The following ALDH1A3 variants were observed in gnomAD, a reference collection of about 807,000 sequenced individuals.
ALDH1A3 encodes the protein retinaldehyde dehydrogenase 3.
Under a neutral mutation model 57.5 loss-of-function variants are expected in ALDH1A3, and 28 were observed. The ratio of observed to expected loss-of-function variants is 0.49; its 90% confidence interval spans 0.36 to 0.67. The LOEUF is 0.67. ALDH1A3 is among the 30% of genes least tolerant of loss of function. The pLI, the probability that ALDH1A3 is intolerant of heterozygous loss-of-function variation, is 0.00. For missense variants in ALDH1A3, 507 were observed against 669.4 expected, an observed-to-expected ratio of 0.76 and a Z score of 2.68; for synonymous variants, 281 against 264.8, an observed-to-expected ratio of 1.06 and a Z score of -0.59.
intron 6 of ALDH1A3, 187 bp from the exon 7 acceptor site, chr15:100,895,746 A>C: frequency 3.3e-6 from 2 of 598,900 alleles, no homozygotes; most frequent in Non-Finnish European, 6.0e-6. Context: ...GGCTGGCAGC[A>C]GGGGATGAGA....
rs545322111 is a variant in ALDH1A3 at position 100,880,258 on chromosome 15, G to A, written c.99+252G>A. 57 of 388,320 alleles carry A rather than the reference G, an allele frequency of 1.5e-4. No homozygotes were observed. The South Asian group carries it at 7.1e-3, about 49-fold the overall frequency. The allele number at this position is 388,320 out of a possible 1,614,324, so 24.1% of individuals were successfully genotyped here. A position where few individuals can be genotyped will look rare whatever the true frequency, so the allele number is the denominator to read the frequency against. On this transcript the variant is annotated intron_variant, in intron 1 of 12. Coordinates refer to ENST00000329841, the MANE Select transcript of ALDH1A3 (RefSeq NM_000693.4). ...ACCGAGGCCGTCCAGCGCCCGCGCG[G>A]GGCCGGGCCGCCCGCATCCCTGCGA... is the stretch of plus-strand genomic sequence containing the variant.
intron 1 of ALDH1A3, 112 bp downstream of exon 1, chr15:100,880,118 G>A (rs1388329589): frequency 1.4e-6 from 1 of 718,156 alleles, no homozygotes; most frequent in Non-Finnish European, 1.9e-6. Context: ...GGGCGCCGCC[G>A]AGACCCGAGC....
chr15:100,896,994 T>C (rs963349191), intron 7 of ALDH1A3, among the ~76,000 whole-genome samples: 3 of 152,206 alleles, frequency 2.0e-5, no homozygotes, highest in Non-Finnish European at 4.4e-5. Flanking sequence ...AGCTGAAGGC[T>C]TTCTCCCTGT....
rs908899220 is a variant in ALDH1A3 at position 100,906,004 on chromosome 15, G to A, written c.1233+317G>A. On this transcript the variant is annotated intron_variant, in intron 10 of 12. Coordinates refer to ENST00000329841, the MANE Select transcript of ALDH1A3 (RefSeq NM_000693.4). The surrounding 1 kb of genome is among the most constrained non-coding windows in gnomAD (Gnocchi z 4.8). ...TGATTTTCTAACACAACCGGTCCCC[G>A]AGTCAGTCATGCAGCCGCAGGTGGA... Among the ~76,000 whole-genome samples, 7 of 152,090 alleles carry A rather than the reference G, an allele frequency of 4.6e-5. No homozygotes were observed. Among genetic ancestry groups the A allele is most frequent in the East Asian group, 1.9e-4 (1 of 5,188 alleles).
At chr15:100,899,712 C>T (rs1006272764) in intron 8 of ALDH1A3, among the ~76,000 whole-genome samples, 1 of 152,120 alleles carries the variant, frequency 6.6e-6, no homozygotes, top group Non-Finnish European at 1.5e-5. Context: ...AGAGGTACCC[C>T]CAAACCTTAT....
At chr15:100,905,382 G>T (rs1460769267) in intron 9 of ALDH1A3, 141 bp from the exon 10 acceptor site, 15 of 1,048,336 alleles carry the variant, frequency 1.4e-5, no homozygotes, top group East Asian at 5.2e-5. Flanking sequence ...TGCCTGCAAG[G>T]CTCATTAGTT....
At chr15:100,891,545 G>A (rs954599202) in intron 3 of ALDH1A3, among the ~76,000 whole-genome samples, 21 of 152,278 alleles carry the variant, frequency 1.4e-4, no homozygotes, top group African/African-American at 2.9e-4. Context: ...GTTAGCGTCC[G>A]TGCCTGCACC....
chr15:100,889,556 C>T lies in ALDH1A3; in HGVS notation c.345+1844C>T, dbSNP rs2041628447. ...GCTTTTTCAAAAACATTTCTGTTTT[C>T]ACCCGGCATGAGCTCATCGGTCGGC... On this transcript the variant is annotated intron_variant, in intron 3 of 12. Coordinates refer to ENST00000329841, the MANE Select transcript of ALDH1A3 (RefSeq NM_000693.4). This position sits in a 1 kb window ranked among gnomAD's most constrained non-coding sequence, Gnocchi z 5.1. Among the ~76,000 whole-genome samples the T allele has an allele frequency of 2.0e-5, 3 of 152,200 alleles. No individual in the cohort carries two copies. The highest frequency in any genetic ancestry group is 1.3e-4 in the Admixed American group (2 of 15,290).
intron 12 of ALDH1A3, chr15:100,914,482 C>A: frequency 2.2e-6 from 1 of 460,190 alleles, no homozygotes; most frequent in Non-Finnish European, 3.9e-6. Flanking sequence ...AAGCATCACA[C>A]AGAAGAAGAC....
intron 12 of ALDH1A3, among the ~76,000 whole-genome samples, chr15:100,909,062 C>T (rs1268987728): frequency 6.6e-6 from 1 of 151,442 alleles, no homozygotes; most frequent in Non-Finnish European, 1.5e-5. Flanking sequence ...TGCAAACCCA[C>T]TGCAAACCCT....
rs1247389136 is a variant in ALDH1A3, at chr15:100,898,180, C to G, written c.878C>G (p.Ala293Gly). 6 of 1,613,568 alleles carry G rather than the reference C, an allele frequency of 3.7e-6. No homozygotes were observed. Among genetic ancestry groups the G allele is most frequent in the Non-Finnish European group, 5.1e-6 (6 of 1,179,726 alleles). Reference sequence around the variant, plus strand: ...AACCCCTGCATCGTGTGTGCGGACGCTGACTGTGAGTCTCTGCCCTCCTGG... The same window carrying G: ...AACCCCTGCATCGTGTGTGCGGACGGTGACTGTGAGTCTCTGCCCTCCTGG... ...GKNPCIVCAD[A>G]DLDLAVECAH... is the part of the protein sequence containing the mutation. Residue 293 changes from alanine (A) to glycine (G), a missense_variant, in exon 8 of 13, where the codon GCT (alanine) becomes GGT (glycine). This residue lies in a region of ALDH1A3 where 432 missense variants were observed against 608.4 expected (regional missense o/e 0.71). Coordinates refer to ENST00000329841, the MANE Select transcript of ALDH1A3 (RefSeq NM_000693.4).
chr15:100,910,361 C>G (rs8039374), intron 12 of ALDH1A3, among the ~76,000 whole-genome samples: 66,826 of 152,160 alleles, frequency 0.44, 16,562 homozygotes, highest in South Asian at 0.66. Context: ...TTCATCACTT[C>G]TTACACCTGC....
At chr15:100,897,038 A>G (rs1350503525) in intron 7 of ALDH1A3, among the ~76,000 whole-genome samples, 2 of 152,154 alleles carry the variant, frequency 1.3e-5, no homozygotes, top group Non-Finnish European at 2.9e-5. Context: ...AATTACTTTT[A>G]ATGAGAAAGT....
chr15:100,893,882 G>C lies in ALDH1A3; in HGVS notation c.538-72G>C. ...ATGAAAAGCAAGTGTCCTCCACAAA[G>C]GCATCGTTGAGCACATGGGACAGGG... On this transcript the variant is annotated intron_variant, in intron 5 of 12. Transcript: ENST00000329841. This position sits in a 1 kb window ranked among gnomAD's most constrained non-coding sequence, Gnocchi z 4.8. 1 of 1,554,354 alleles carries C rather than the reference G, an allele frequency of 6.4e-7. No homozygotes were observed. Among genetic ancestry groups the C allele is most frequent in the Non-Finnish European group, 8.7e-7 (1 of 1,152,992 alleles).
In ALDH1A3 at chr15:100,893,925, G is replaced by A; in HGVS notation, c.538-29G>A. On this transcript the variant is annotated intron_variant, in intron 5 of 12. Transcript: ENST00000329841. The surrounding 1 kb of genome is among the most constrained non-coding windows in gnomAD (Gnocchi z 4.8). Reference sequence around the variant, plus strand: ...GGACAGGGTAAGAGGGTGGATCTGGGCCTCCAAAGCCCCTGTGCTCTGTCG... The same window carrying A: ...GGACAGGGTAAGAGGGTGGATCTGGACCTCCAAAGCCCCTGTGCTCTGTCG... 5 of 1,610,750 alleles carry A rather than the reference G, an allele frequency of 3.1e-6. No homozygotes were observed. The highest frequency in any genetic ancestry group is 4.2e-6 in the Non-Finnish European group (5 of 1,178,508).
chr15:100,886,542 C>T (rs577424925), intron 2 of ALDH1A3, among the ~76,000 whole-genome samples: 1 of 152,150 alleles, frequency 6.6e-6, no homozygotes, highest in South Asian at 2.1e-4. Flanking sequence ...CTGCTCACCC[C>T]CAAGCCAGCT....
chr15:100,889,893 A>G lies in ALDH1A3; in HGVS notation c.345+2181A>G, dbSNP rs896841490. On this transcript the variant is annotated intron_variant, in intron 3 of 12. Transcript: ENST00000329841. This position sits in a 1 kb window ranked among gnomAD's most constrained non-coding sequence, Gnocchi z 5.1. ...GGCAAACACGGTTTTTAAAACTCCA[A>G]CCACATCACAGGAGAGCGCCCCTTG... Among the ~76,000 whole-genome samples the G allele has an allele frequency of 6.6e-6, 1 of 152,170 alleles. No homozygotes were observed. Among genetic ancestry groups the G allele is most frequent in the South Asian group, 2.1e-4 (1 of 4,826 alleles).
intron 1 of ALDH1A3, among the ~76,000 whole-genome samples, chr15:100,884,832 G>A (rs2041579715): frequency 6.6e-6 from 1 of 152,096 alleles, no homozygotes; most frequent in African/African-American, 2.4e-5. Context: ...AGTGCTCGGT[G>A]CGTCCTTACC....
In ALDH1A3 at chr15:100,893,907, G is replaced by T. The variant is rs2041675782; in HGVS notation, c.538-47G>T. 6.2e-7 allele frequency: 1 copy of T among 1,604,772 alleles called. No individual in the cohort carries two copies. The highest frequency in any genetic ancestry group is 1.1e-5 in the South Asian group (1 of 89,354). ...GGCATCGTTGAGCACATGGGACAGG[G>T]TAAGAGGGTGGATCTGGGCCTCCAA... On this transcript the variant is annotated intron_variant, in intron 5 of 12. Transcript: ENST00000329841. This position sits in a 1 kb window ranked among gnomAD's most constrained non-coding sequence, Gnocchi z 4.8.
Sources: gnomAD v4.1 joint callset for allele counts (sites outside exome capture counted in the v4.1 genomes callset) on GRCh38, gnomAD v4.1.1 for gene constraint, gnomAD v4.1.1 regional missense constraint, Gnocchi (gnomAD v3.1) non-coding constraint, MANE v1.5 for transcripts, NCBI Gene and HGNC (gene_info 2026-07-23, HGNC 2026-07-21) for gene names.